Variants in GABRG3 observed in about 807,000 individuals in gnomAD.
The protein encoded by GABRG3 is gamma-aminobutyric acid receptor subunit gamma-3.
In GABRG3, 25 loss-of-function variants were observed where a neutral mutation model predicts 48.8. The observed-to-expected ratio is 0.51, with a 90% CI of 0.37 to 0.72. The LOEUF (loss-of-function observed/expected upper bound fraction) is 0.72, where lower values mean the gene tolerates loss of function less well. GABRG3 is among the 30% of genes least tolerant of loss of function. GABRG3 has a pLI of 0.00. For synonymous variants in GABRG3, 227 were observed against 217.6 expected (o/e 1.04, Z -0.38); for missense variants, 394 against 577.9 (o/e 0.68, Z 3.26).
At chr15:27,020,561 G>A (rs986065585) in intron 2 of GABRG3, among the ~76,000 whole-genome samples, 24 of 147,822 alleles carry the variant, frequency 1.6e-4, no homozygotes, top group South Asian at 2.2e-4. Flanking sequence ...ACAGGCGCCC[G>A]CCACCACGCC....
At chr15:27,428,293 C>T (rs2140620211) in intron 5 of GABRG3, 1 of 152,306 alleles carries the variant, frequency 6.6e-6, no homozygotes, top group African/African-American at 2.4e-5. Context: ...GTGATTATAA[C>T]ATGCACAGTT....
At chr15:27,159,650 T>A (rs17137646) in intron 3 of GABRG3, among the ~76,000 whole-genome samples, 4,249 of 152,184 alleles carry the variant, frequency 0.028, 202 homozygotes, top group African/African-American at 0.098. Context: ...CGCTAGACTT[T>A]CCCTGTCTTA....
chr15:27,496,631 A>C (rs2150851830), intron 6 of GABRG3, among the ~76,000 whole-genome samples: 1 of 152,286 alleles, frequency 6.6e-6, no homozygotes, highest in African/African-American at 2.4e-5. Context: ...TAGGTTTATT[A>C]GTTTTATTTA....
At chr15:27,397,831 G>A (rs1887356587) in intron 5 of GABRG3, among the ~76,000 whole-genome samples, 1 of 143,146 alleles carries the variant, frequency 7.0e-6, no homozygotes. Context: ...TTGAGACGGA[G>A]TCTCGCTCTG....
At chr15:26,987,649 G>C (rs192352676) in intron 2 of GABRG3, among the ~76,000 whole-genome samples, 136 of 152,264 alleles carry the variant, frequency 8.9e-4, no homozygotes, top group African/African-American at 3.2e-3. Flanking sequence ...AAGAATTACT[G>C]AATCGGAATA....
At chr15:27,396,616 C>T (rs186138295) in intron 5 of GABRG3, among the ~76,000 whole-genome samples, 2 of 152,228 alleles carry the variant, frequency 1.3e-5, no homozygotes, top group East Asian at 3.9e-4. Context: ...ATACACCTAC[C>T]GTATTATCAG....
intron 3 of GABRG3, among the ~76,000 whole-genome samples, chr15:27,142,749 G>A (rs1206730966): frequency 1.3e-5 from 2 of 151,572 alleles, no homozygotes; most frequent in African/African-American, 2.4e-5. Flanking sequence ...GTTGACAGGG[G>A]TTACTGAGGA....
chr15:27,354,187 C>G (rs903905142), intron 5 of GABRG3, among the ~76,000 whole-genome samples: 1 of 152,170 alleles, frequency 6.6e-6, no homozygotes. Flanking sequence ...TGAAGTTTAT[C>G]AAGCCCAGGT....
chr15:27,190,144 A>C (rs208146), intron 3 of GABRG3, among the ~76,000 whole-genome samples: 30,421 of 152,006 alleles, frequency 0.2, 3,111 homozygotes, highest in East Asian at 0.34. Flanking sequence ...TTTATTGAGG[A>C]TTTTTGCATC....
At chr15:27,100,451 A>G (rs1035122773) in intron 3 of GABRG3, among the ~76,000 whole-genome samples, 1 of 152,234 alleles carries the variant, frequency 6.6e-6, no homozygotes, top group Admixed American at 6.5e-5. Flanking sequence ...AAAGCAGAAG[A>G]GAAGGAAACA....
intron 3 of GABRG3, among the ~76,000 whole-genome samples, chr15:27,173,465 C>T (rs1887638200): frequency 1.3e-5 from 2 of 152,156 alleles, no homozygotes; most frequent in South Asian, 4.1e-4. Flanking sequence ...TTCTGAACAG[C>T]ATTCCTCGCT....
intron 3 of GABRG3, among the ~76,000 whole-genome samples, chr15:27,114,216 T>TCTA (rs1897603763): frequency 6.6e-6 from 1 of 152,244 alleles, no homozygotes; most frequent in Non-Finnish European, 1.5e-5. Context: ...GTCCCTGGTT[T>TCTA]CCTTTTCTAC....
At chr15:27,005,878 G>A (rs725816) in intron 2 of GABRG3, among the ~76,000 whole-genome samples, 1 of 152,108 alleles carries the variant, frequency 6.6e-6, no homozygotes, top group Non-Finnish European at 1.5e-5. Flanking sequence ...TGTACCTTTG[G>A]AAGTGGAACT....
At chr15:27,145,671 A>G (rs1898197363) in intron 3 of GABRG3, among the ~76,000 whole-genome samples, 1 of 149,532 alleles carries the variant, frequency 6.7e-6, no homozygotes, top group Non-Finnish European at 1.5e-5. Flanking sequence ...CTATTGTGCC[A>G]GAAGGAGAGG....
chr15:27,427,617 T>C (rs1000898744), intron 5 of GABRG3, among the ~76,000 whole-genome samples: 10 of 152,234 alleles, frequency 6.6e-5, no homozygotes, highest in African/African-American at 2.4e-4. Context: ...CAGATCTATA[T>C]CTAACAAATG....
At chr15:27,480,954 G>T (rs1241868321) in intron 6 of GABRG3, 167 bp downstream of exon 6, 3 of 1,404,690 alleles carry the variant, frequency 2.1e-6, no homozygotes, top group Non-Finnish European at 1.8e-6. Flanking sequence ...GTTTTAATTG[G>T]TATGGGAGAG....
chr15:27,300,678 CAAAAAAAA>C (rs10600874), intron 3 of GABRG3, among the ~76,000 whole-genome samples: 1 of 101,284 alleles, frequency 9.9e-6, no homozygotes, highest in African/African-American at 3.6e-5. Context: ...AATAAATAAG[CAAAAAAAA>C]AAAAAAAAAA....
chr15:27,361,658 C>T (rs1288267463), intron 5 of GABRG3, among the ~76,000 whole-genome samples: 9 of 152,176 alleles, frequency 5.9e-5, no homozygotes, highest in Non-Finnish European at 4.4e-5. Flanking sequence ...AGCACACTAA[C>T]ATTTAATGAG....
intron 3 of GABRG3, among the ~76,000 whole-genome samples, chr15:27,056,221 C>T (rs1896542594): frequency 6.6e-6 from 1 of 151,472 alleles, no homozygotes; most frequent in Admixed American, 6.6e-5. Flanking sequence ...TGTGGTGGTA[C>T]ACACCTGTAG....
Sources: allele counts gnomAD v4.1 joint callset (sites outside exome capture counted in the v4.1 genomes callset), GRCh38; gene constraint gnomAD v4.1.1; transcripts MANE v1.5; gene names NCBI Gene and HGNC (gene_info 2026-07-23, HGNC 2026-07-21).